PPARGC1A: variants seen among roughly 807,000 people sequenced by gnomAD.
PPARGC1A encodes the protein peroxisome proliferator-activated receptor gamma coactivator 1-alpha.
A neutral mutation model predicts 88.7 loss-of-function variants in PPARGC1A; 25 were observed. The ratio of observed to expected loss-of-function variants is 0.28; its 90% confidence interval spans 0.21 to 0.39. The LOEUF (loss-of-function observed/expected upper bound fraction) is 0.39. PPARGC1A is among the 10% of genes least tolerant of loss of function. The probability of loss-of-function intolerance (pLI) is 1.00; values close to 1 mark genes in which losing one functional copy is unlikely to be tolerated. For missense variants in PPARGC1A, 880 were observed against 968.7 expected, an observed-to-expected ratio of 0.91 and a Z score of 1.22; for synonymous variants, 363 against 355.6, an observed-to-expected ratio of 1.02 and a Z score of -0.24.
chr4:23,811,603 T>C (rs1332588528), intron 10 of PPARGC1A, among the ~76,000 whole-genome samples: 4 of 152,188 alleles, frequency 2.6e-5, no homozygotes. Context: ...TGACTTATTT[T>C]TGCCATCCAA....
At chr4:24,178,247 C>A in the PPARGC1A span, among the ~76,000 whole-genome samples, 1 of 152,122 alleles carries the variant, frequency 6.6e-6, no homozygotes, top group Non-Finnish European at 1.5e-5. Flanking sequence ...CTTCCAGAAC[C>A]TAATGAAGGA....
chr4:24,350,745 C>T, the PPARGC1A span, among the ~76,000 whole-genome samples: 2 of 152,134 alleles, frequency 1.3e-5, no homozygotes, highest in Non-Finnish European at 2.9e-5. Context: ...TCATTCACTA[C>T]CGGCAGAACA....
the PPARGC1A span, among the ~76,000 whole-genome samples, chr4:24,188,162 A>ATCCCAG: frequency 6.6e-6 from 1 of 151,672 alleles, no homozygotes; most frequent in African/African-American, 2.4e-5. Context: ...AGGAAGAGCA[A>ATCCCAG]CACAGCTAAG....
chr4:23,887,328 C>T (rs1172677211), intron 1 of PPARGC1A, among the ~76,000 whole-genome samples: 7 of 152,182 alleles, frequency 4.6e-5, no homozygotes, highest in Admixed American at 4.6e-4. Context: ...TAATCTAAAA[C>T]ACATTAGTGG....
upstream of PPARGC1A, among the ~76,000 whole-genome samples, chr4:23,891,957 G>A (rs960951300): frequency 1.1e-4 from 16 of 152,194 alleles, no homozygotes; most frequent in East Asian, 1.9e-3. Flanking sequence ...TGCCCTCAAG[G>A]ATCAACTGTG....
the PPARGC1A span, among the ~76,000 whole-genome samples, chr4:24,379,119 G>A: frequency 6.6e-6 from 1 of 152,048 alleles, no homozygotes; most frequent in African/African-American, 2.4e-5. Flanking sequence ...AAATTGAAAA[G>A]AAAACTTACA....
At chr4:24,371,706 C>T in the PPARGC1A span, among the ~76,000 whole-genome samples, 8 of 150,738 alleles carry the variant, frequency 5.3e-5, no homozygotes, top group African/African-American at 1.5e-4. Context: ...TTTGAGAGGC[C>T]GAGGCGGGAG....
chr4:24,374,745 T>C, the PPARGC1A span, among the ~76,000 whole-genome samples: 1 of 152,112 alleles, frequency 6.6e-6, no homozygotes, highest in African/African-American at 2.4e-5. Context: ...TACTAACAAG[T>C]GTTGGCAAGG....
At chr4:24,129,274 G>A in the PPARGC1A span, among the ~76,000 whole-genome samples, 1 of 152,138 alleles carries the variant, frequency 6.6e-6, no homozygotes, top group Non-Finnish European at 1.5e-5. Context: ...TAGGTTATGA[G>A]ACTTGCCTTA....
chr4:24,145,250 C>T, the PPARGC1A span, among the ~76,000 whole-genome samples: 2 of 152,140 alleles, frequency 1.3e-5, no homozygotes, highest in Non-Finnish European at 2.9e-5. Context: ...CCAAAACACT[C>T]AGCTAATACC....
the PPARGC1A span, among the ~76,000 whole-genome samples, chr4:24,424,838 T>C: frequency 9.2e-5 from 14 of 152,210 alleles, no homozygotes; most frequent in Non-Finnish European, 1.6e-4. Context: ...CAATAAGCAC[T>C]CGAGGCTCTG....
the PPARGC1A span, among the ~76,000 whole-genome samples, chr4:23,974,885 G>A: frequency 7.5e-6 from 1 of 134,030 alleles, no homozygotes; most frequent in Non-Finnish European, 1.5e-5. Flanking sequence ...TTGATCTCCT[G>A]ACCTCGTGAT....
At chr4:23,944,519 AT>A in the PPARGC1A span, among the ~76,000 whole-genome samples, 872 of 152,326 alleles carry the variant, frequency 5.7e-3, 6 homozygotes, top group Admixed American at 9.5e-3. Flanking sequence ...GTGTATCGTT[AT>A]GTTCCCAAGT....
chr4:23,899,394 A>C (rs1719024802), upstream of PPARGC1A: 1 of 152,216 alleles, frequency 6.6e-6, no homozygotes, highest in African/African-American at 2.4e-5. Flanking sequence ...TATGCTTTGT[A>C]ACTGCTGACG....
chr4:24,058,551 CTT>C, the PPARGC1A span, among the ~76,000 whole-genome samples: 246 of 152,264 alleles, frequency 1.6e-3, no homozygotes, highest in Non-Finnish European at 2.5e-3. Flanking sequence ...GCCCCCTCCT[CTT>C]GTTTATGAGA....
At chr4:24,457,057 G>A in the PPARGC1A span, among the ~76,000 whole-genome samples, 14 of 152,186 alleles carry the variant, frequency 9.2e-5, no homozygotes, top group African/African-American at 2.9e-4. Flanking sequence ...AGACAGCCAG[G>A]AAAAAGGGTA....
At chr4:24,364,323 T>G in the PPARGC1A span, among the ~76,000 whole-genome samples, 43 of 152,304 alleles carry the variant, frequency 2.8e-4, no homozygotes, top group African/African-American at 1.0e-3. Flanking sequence ...TGGCAAACAT[T>G]GGTTTGTATG....
chr4:23,890,252 G>C, upstream of PPARGC1A: 1 of 414,982 alleles, frequency 2.4e-6, no homozygotes, highest in Non-Finnish European at 3.8e-6. Flanking sequence ...AGAAAAGAAA[G>C]AAAGAAAGGA....
At chr4:24,370,645 A>G in the PPARGC1A span, among the ~76,000 whole-genome samples, 2 of 151,372 alleles carry the variant, frequency 1.3e-5, no homozygotes, top group Middle Eastern at 3.3e-3. Flanking sequence ...GGAGAATTAC[A>G]TGCTCCAGAC....
Sources: allele counts gnomAD v4.1 joint callset (sites outside exome capture counted in the v4.1 genomes callset), GRCh38; gene constraint gnomAD v4.1.1; transcripts MANE v1.5; gene names NCBI Gene and HGNC (gene_info 2026-07-23, HGNC 2026-07-21).